Variants in EHD4 observed in about 807,000 individuals in gnomAD.
EHD4 encodes EH domain containing 4, also known as EH domain-containing protein 4.
EHD4 carries 37 observed loss-of-function variants against 51.0 expected under a neutral mutation model. The observed-to-expected ratio is 0.73, with a 90% confidence interval of 0.56 to 0.95. EHD4 has a LOEUF of 0.95. EHD4 is among the 40% of genes least tolerant of loss of function. The pLI, the probability that EHD4 is intolerant of heterozygous loss-of-function variation, is 0.00. For missense variants in EHD4, 632 were observed against 733.1 expected, an observed-to-expected ratio of 0.86 and a Z score of 1.59; for synonymous variants, 297 against 317.3, an observed-to-expected ratio of 0.94 and a Z score of 0.68.
chr15:41,944,192 A>G (rs1025965363), intron 2 of EHD4, among the ~76,000 whole-genome samples: 10 of 152,170 alleles, frequency 6.6e-5, no homozygotes. Context: ...GGTTCCTCAC[A>G]TGAAAATGGT....
At chr15:41,935,718 A>G (rs1359892033) in intron 3 of EHD4, among the ~76,000 whole-genome samples, 1 of 152,142 alleles carries the variant, frequency 6.6e-6, no homozygotes, top group Admixed American at 6.5e-5. Flanking sequence ...TCAACCACTT[A>G]TTGGCTATTT....
chr15:41,960,428 C>T (rs1368827152), intron 1 of EHD4, among the ~76,000 whole-genome samples: 1 of 152,044 alleles, frequency 6.6e-6, no homozygotes, highest in African/African-American at 2.4e-5. Context: ...GATTTTTCAC[C>T]ATTAGTCTTT....
At chr15:41,960,276 A>G (rs1046005900) in intron 1 of EHD4, among the ~76,000 whole-genome samples, 6 of 152,220 alleles carry the variant, frequency 3.9e-5, no homozygotes, top group African/African-American at 1.4e-4. Flanking sequence ...GCTTATGCCA[A>G]GTTAAATAGC....
intron 2 of EHD4, among the ~76,000 whole-genome samples, chr15:41,952,209 C>T (rs936819643): frequency 8.5e-5 from 13 of 152,240 alleles, no homozygotes; most frequent in African/African-American, 2.7e-4. Context: ...TGGAGCTGCG[C>T]GATGAGGCGC....
chr15:41,958,656 A>T lies in EHD4; in HGVS notation c.237-4716T>A, dbSNP rs558853649. Among the ~76,000 whole-genome samples, 385 of 152,302 alleles carry T rather than the reference A, an allele frequency of 2.5e-3. 1 individual carries two copies. The highest frequency in any genetic ancestry group is 3.9e-3 in the Non-Finnish European group (263 of 68,036). On this transcript the variant is annotated intron_variant, in intron 1 of 5. Transcript: ENST00000220325. ...CATCTTCTCAACGATGAGCTTAAGA[A>T]TGAATAAAAACCAAACAAATCTAAG...
intron 2 of EHD4, among the ~76,000 whole-genome samples, chr15:41,947,204 T>C (rs1404721801): frequency 2.0e-5 from 3 of 152,182 alleles, no homozygotes; most frequent in Non-Finnish European, 4.4e-5. Flanking sequence ...GTGTGGCATA[T>C]CATGTGCAGG....
chr15:41,954,739 A>G lies in EHD4; in HGVS notation c.237-799T>C, dbSNP rs140966529. Among the ~76,000 whole-genome samples, 24 of 152,194 alleles carry G rather than the reference A, an allele frequency of 1.6e-4. No homozygotes were observed. The East Asian group carries it at 4.7e-3, about 30-fold the overall frequency. On this transcript the variant is annotated intron_variant, in intron 1 of 5. Transcript: ENST00000220325. ...TGCTGCCTCGACCTCCTGGGCTCCA[A>G]CAATCCTCCTGCCTCAGCCTCCCAA...
At chr15:41,942,914 C>T (rs1297309566) in intron 3 of EHD4, 153 bp downstream of exon 3, 2 of 621,816 alleles carry the variant, frequency 3.2e-6, no homozygotes, top group South Asian at 1.8e-5. Context: ...GTCTTTGATG[C>T]TATGAACTCC....
chr15:41,952,693 A>G (rs1227672483), intron 2 of EHD4, among the ~76,000 whole-genome samples: 1 of 152,120 alleles, frequency 6.6e-6, no homozygotes, highest in Admixed American at 6.5e-5. Context: ...ACATCTATAA[A>G]ATAGTGACCA....
Position 41,917,096 on chromosome 15 carries a change from C to CT in EHD4, c.924+2113dup, listed in dbSNP as rs368060291. ...GGCATTTCCAGCGAGCTTTCTGCTC[C>CT]TTATTTATTTATTTATTTATTTATT... On this transcript the variant is annotated intron_variant, in intron 4 of 5. Transcript: ENST00000220325. Among the ~76,000 whole-genome samples, 3 of 141,788 alleles carry CT rather than the reference C, an allele frequency of 2.1e-5. No individual in the cohort carries two copies. In the Admixed American group the frequency reaches 2.1e-4, roughly 10 times the overall value. 93.0% of individuals were successfully genotyped at this position (141,788 alleles called of 152,430 possible). A position where few individuals can be genotyped will look rare whatever the true frequency, so the allele number is the denominator to read the frequency against.
chr15:41,931,558 T>G (rs946051922), intron 3 of EHD4, among the ~76,000 whole-genome samples: 1 of 152,086 alleles, frequency 6.6e-6, no homozygotes, highest in Non-Finnish European at 1.5e-5. Context: ...TAAATTAAAA[T>G]AAAACAAAAT....
intron 2 of EHD4, 33 bp downstream of exon 2, chr15:41,953,731 C>G (rs757030643): frequency 1.9e-6 from 3 of 1,560,406 alleles, no homozygotes; most frequent in South Asian, 1.2e-5. Context: ...GTTTAAACAG[C>G]CTGACCGAAG....
chr15:41,926,779 G>C (rs1016813464), intron 3 of EHD4, among the ~76,000 whole-genome samples: 1 of 152,142 alleles, frequency 6.6e-6, no homozygotes, highest in African/African-American at 2.4e-5. Context: ...AACCACACTG[G>C]GCTCTGCTGT....
chr15:41,901,795 G>A (rs2067479401), intron 5 of EHD4, among the ~76,000 whole-genome samples: 1 of 152,140 alleles, frequency 6.6e-6, no homozygotes. Context: ...AGCTGAGGGC[G>A]CTACTCAACA....
intron 3 of EHD4, among the ~76,000 whole-genome samples, chr15:41,932,588 T>C (rs1047126474): frequency 7.2e-5 from 11 of 152,156 alleles, no homozygotes; most frequent in African/African-American, 2.7e-4. Context: ...CATCAGGGCA[T>C]GTGTGAGAAA....
intron 1 of EHD4, among the ~76,000 whole-genome samples, chr15:41,970,175 C>T (rs1379761654): frequency 6.6e-6 from 1 of 152,200 alleles, no homozygotes; most frequent in Non-Finnish European, 1.5e-5. Flanking sequence ...TAAATCACTT[C>T]CTCCTAGCTC....
At chr15:41,947,956 A>G (rs918774861) in intron 2 of EHD4, among the ~76,000 whole-genome samples, 10 of 152,210 alleles carry the variant, frequency 6.6e-5, no homozygotes, top group African/African-American at 2.4e-4. Context: ...GGCAGCTGCT[A>G]GTCAAGAACA....
intron 1 of EHD4, among the ~76,000 whole-genome samples, chr15:41,964,859 C>T (rs2067952268): frequency 6.6e-6 from 1 of 151,788 alleles, no homozygotes; most frequent in African/African-American, 2.4e-5. Flanking sequence ...GCAGCCTCGA[C>T]CACCTGGGCT....
chr15:41,932,533 AAG>A (rs544585010), intron 3 of EHD4, among the ~76,000 whole-genome samples: 26 of 152,302 alleles, frequency 1.7e-4, no homozygotes, highest in African/African-American at 6.0e-4. Flanking sequence ...AATTTTGAGA[AAG>A]AGACTAAGAT....
Sources: allele counts gnomAD v4.1 joint callset (sites outside exome capture counted in the v4.1 genomes callset), GRCh38; gene constraint gnomAD v4.1.1; transcripts MANE v1.5; gene names NCBI Gene and HGNC (gene_info 2026-07-23, HGNC 2026-07-21).